The following SH3PXD2B variants were observed in gnomAD, a reference collection of about 807,000 sequenced individuals.
The protein encoded by SH3PXD2B is SH3 and PX domain-containing protein 2B.
SH3PXD2B carries 37 observed loss-of-function variants against 73.1 expected under a neutral mutation model. The ratio of observed to expected loss-of-function variants is 0.51; its 90% confidence interval spans 0.39 to 0.67. SH3PXD2B has a LOEUF of 0.67. Ranked by LOEUF, SH3PXD2B falls within the 30% of genes least tolerant of loss-of-function variation. The pLI, the probability that SH3PXD2B is intolerant of heterozygous loss-of-function variation, is 0.00. For missense variants in SH3PXD2B, 1,053 were observed against 1,197.8 expected (o/e 0.88, Z 1.78); for synonymous variants, 457 against 480.5 (o/e 0.95, Z 0.64).
At chr5:172,413,833 C>T (rs1758756621) in intron 2 of SH3PXD2B, among the ~76,000 whole-genome samples, 1 of 152,252 alleles carries the variant, frequency 6.6e-6, no homozygotes, top group Non-Finnish European at 1.5e-5. Flanking sequence ...ACGTTGGAGG[C>T]ATACTCCAAT....
In SH3PXD2B at chr5:172,422,501, G is replaced by C; in HGVS notation, c.76-5C>G. 5.6e-6 allele frequency: 9 copies of C among 1,610,220 alleles called. No individual in the cohort carries two copies. Among genetic ancestry groups the C allele is most frequent in the Non-Finnish European group, 7.6e-6 (9 of 1,179,056 alleles). Reference sequence around the variant, plus strand: ...CGTGACCCGGATGATGTAGACCTGCGGGAGCAACAGAGGAGATGGGTGTTA... The same window carrying C: ...CGTGACCCGGATGATGTAGACCTGCCGGAGCAACAGAGGAGATGGGTGTTA... On this transcript the variant is annotated splice_region_variant and splice_polypyrimidine_tract_variant and intron_variant, in intron 1 of 12. Transcript: ENST00000311601.
At chr5:172,404,467 T>A (rs1581312975) in intron 3 of SH3PXD2B, among the ~76,000 whole-genome samples, 1 of 152,132 alleles carries the variant, frequency 6.6e-6, no homozygotes, top group East Asian at 1.9e-4. Flanking sequence ...AATTTTTATA[T>A]TTTTAGTAGA....
At chr5:172,359,387 C>CAAA (rs70982393) in intron 7 of SH3PXD2B, among the ~76,000 whole-genome samples, 1 of 84,086 alleles carries the variant, frequency 1.2e-5, no homozygotes, top group Non-Finnish European at 2.2e-5. Context: ...ACCCCCATCT[C>CAAA]AAAAAAAAAA....
Position 172,338,920 on chromosome 5 carries a change from G to A in SH3PXD2B, c.2185C>T (p.Pro729Ser), listed in dbSNP as rs1756772619. Reference sequence around the variant, plus strand: ...TCTGTGGTCTTGGCTGGCCTCGGAGGGGCTCTGCAGGAAATCTCTTTTGGG... The same window carrying A: ...TCTGTGGTCTTGGCTGGCCTCGGAGAGGCTCTGCAGGAAATCTCTTTTGGG... Reference protein sequence around the residue: ...LSPKEISCRAPPRPAKTTDPV... With the variant: ...LSPKEISCRASPRPAKTTDPV... The change falls in exon 13 of 13, where the codon CCT becomes TCT. Residue 729 changes from proline (P) to serine (S), a missense_variant. Transcript: ENST00000311601. This position sits in a 1 kb window ranked among gnomAD's most constrained non-coding sequence, Gnocchi z 5.1. 6.2e-7 allele frequency: 1 copy of A among 1,614,084 alleles called. No homozygotes were observed. Among genetic ancestry groups the A allele is most frequent in the Non-Finnish European group, 8.5e-7 (1 of 1,179,910 alleles).
chr5:172,425,527 A>C (rs556656441), intron 1 of SH3PXD2B, among the ~76,000 whole-genome samples: 104 of 152,252 alleles, frequency 6.8e-4, no homozygotes, highest in African/African-American at 2.4e-3. Context: ...AGGGAAAAAG[A>C]AAAGTGGGAA....
In SH3PXD2B at chr5:172,421,511, C is replaced by T. The variant is rs1758962406; in HGVS notation, c.156+905G>A. The stretch of plus-strand genomic sequence containing the variant: ...ATGTGGTTCTGGCCCACAATAGTCA[C>T]AGTCTAGGCAGGGAGACAGACAAGC... On this transcript the variant is annotated intron_variant, in intron 2 of 12. Transcript: ENST00000311601. The surrounding 1 kb of genome is among the most constrained non-coding windows in gnomAD (Gnocchi z 4.0). Among the ~76,000 whole-genome samples the T allele has an allele frequency of 6.6e-6, 1 of 152,186 alleles. No individual in the cohort carries two copies. Among genetic ancestry groups the T allele is most frequent in the African/African-American group, 2.4e-5 (1 of 41,438 alleles).
chr5:172,344,717 C>T (rs1388410471), intron 12 of SH3PXD2B, among the ~76,000 whole-genome samples: 1 of 151,956 alleles, frequency 6.6e-6, no homozygotes, highest in African/African-American at 2.4e-5. Flanking sequence ...AATCTCATCC[C>T]TTTAGCCCTT....
At chr5:172,439,222 A>G (rs1759462308) in intron 1 of SH3PXD2B, among the ~76,000 whole-genome samples, 1 of 142,656 alleles carries the variant, frequency 7.0e-6, no homozygotes, top group African/African-American at 2.6e-5. Context: ...CCTGGGCCAC[A>G]GAAACAGAAA....
downstream of SH3PXD2B, among the ~76,000 whole-genome samples, chr5:172,329,080 TA>T (rs1441027412): frequency 6.4e-3 from 544 of 85,658 alleles, 6 homozygotes; most frequent in African/African-American, 6.9e-3. Flanking sequence ...TATATATATA[TA>T]TATTTTTTTT....
At chr5:172,330,744 C>T (rs1756537832), downstream of SH3PXD2B, among the ~76,000 whole-genome samples, 1 of 152,242 alleles carries the variant, frequency 6.6e-6, no homozygotes, top group Non-Finnish European at 1.5e-5. Flanking sequence ...CCAAGTTCAT[C>T]CTCTTACTAG....
At chr5:172,346,087 C>T in intron 12 of SH3PXD2B, 49 bp downstream of exon 12, 15 of 1,613,058 alleles carry the variant, frequency 9.3e-6, no homozygotes, top group Non-Finnish European at 1.3e-5. Flanking sequence ...GGAGGTGATG[C>T]CTGGAATCAG....
intron 6 of SH3PXD2B, among the ~76,000 whole-genome samples, chr5:172,372,350 C>T (rs1405105252): frequency 6.6e-6 from 1 of 152,060 alleles, no homozygotes; most frequent in Non-Finnish European, 1.5e-5. Context: ...TCTCTTGGTC[C>T]TGCTCCTGCC....
intron 4 of SH3PXD2B, among the ~76,000 whole-genome samples, chr5:172,386,557 C>T (rs974180267): frequency 6.0e-5 from 9 of 149,912 alleles, no homozygotes; most frequent in African/African-American, 1.5e-4. Context: ...GATTTAAAAA[C>T]GTTTTCTGTT....
chr5:172,368,596 TTATATATATAATATATATGTTATA>T (rs1338879214), intron 6 of SH3PXD2B, among the ~76,000 whole-genome samples: 3 of 10,830 alleles, frequency 2.8e-4, no homozygotes, highest in Admixed American at 2.2e-3. Flanking sequence ...ATAAAATATG[TTATATATATAATATATATGTTATA>T]TATATATATA....
intron 6 of SH3PXD2B, among the ~76,000 whole-genome samples, chr5:172,371,727 C>A (rs956305113): frequency 6.6e-6 from 1 of 152,170 alleles, no homozygotes; most frequent in Admixed American, 6.5e-5. Context: ...TCATCAAGCC[C>A]GTTCCGACTG....
chr5:172,405,455 G>T (rs533145905), intron 3 of SH3PXD2B, among the ~76,000 whole-genome samples: 27 of 152,364 alleles, frequency 1.8e-4, no homozygotes, highest in African/African-American at 6.5e-4. Context: ...GCCCTAGTCA[G>T]ATTTGCTGCC....
At chr5:172,366,295 G>T (rs565565061) in intron 6 of SH3PXD2B, among the ~76,000 whole-genome samples, 39 of 152,276 alleles carry the variant, frequency 2.6e-4, no homozygotes, top group African/African-American at 8.7e-4. Context: ...GGGGAGGGGA[G>T]GGGAGGCAGA....
intron 10 of SH3PXD2B, among the ~76,000 whole-genome samples, chr5:172,348,662 T>TC (rs776482102): frequency 3.8e-3 from 116 of 30,464 alleles, no homozygotes; most frequent in African/African-American, 0.011. Flanking sequence ...ATCCTATCTA[T>TC]CTATCTATCT....
chr5:172,436,366 A>T (rs1014906377), intron 1 of SH3PXD2B, among the ~76,000 whole-genome samples: 1 of 152,244 alleles, frequency 6.6e-6, no homozygotes, highest in Non-Finnish European at 1.5e-5. Context: ...CAGCCAAATC[A>T]TCACCAGAAC....
Sources: gnomAD v4.1 joint callset for allele counts (sites outside exome capture counted in the v4.1 genomes callset) on GRCh38, gnomAD v4.1.1 for gene constraint, Gnocchi (gnomAD v3.1) non-coding constraint, MANE v1.5 for transcripts, NCBI Gene and HGNC (gene_info 2026-07-23, HGNC 2026-07-21) for gene names.